Variants in CDYL observed in about 807,000 individuals in gnomAD.
CDYL encodes chromodomain Y-like protein.
In CDYL, 8 loss-of-function variants were observed where a neutral mutation model predicts 47.3. The ratio of observed to expected loss-of-function variants is 0.17; its 90% CI spans 0.10 to 0.31. The LOEUF (loss-of-function observed/expected upper bound fraction) is 0.31. CDYL is among the 10% of genes least tolerant of loss of function. The pLI is 1.00. For synonymous variants in CDYL, 266 were observed against 265.0 expected, an observed-to-expected ratio of 1.00 and a Z score of -0.04; for missense variants, 471 against 701.4, an observed-to-expected ratio of 0.67 and a Z score of 3.71.
At chr6:4,750,097 G>A (rs1483673623) in intron 3 of CDYL, among the ~76,000 whole-genome samples, 1 of 152,122 alleles carries the variant, frequency 6.6e-6, no homozygotes, top group Non-Finnish European at 1.5e-5. Flanking sequence ...TCAGCACTTT[G>A]GGAGGCTGAG....
intron 1 of CDYL, among the ~76,000 whole-genome samples, chr6:4,862,975 G>T (rs1761215750): frequency 6.6e-6 from 1 of 152,124 alleles, no homozygotes; most frequent in African/African-American, 2.4e-5. Flanking sequence ...CAGTGTACTG[G>T]ATAAAGAAAA....
chr6:4,801,816 A>G (rs755402422), intron 1 of CDYL, among the ~76,000 whole-genome samples: 1 of 152,174 alleles, frequency 6.6e-6, no homozygotes, highest in Admixed American at 6.5e-5. Flanking sequence ...GGGAAAGAGC[A>G]TCATATTCAC....
At chr6:4,867,022 G>T (rs1477744285) in intron 1 of CDYL, among the ~76,000 whole-genome samples, 2 of 152,024 alleles carry the variant, frequency 1.3e-5, no homozygotes, top group Non-Finnish European at 2.9e-5. Context: ...AAATAATTGT[G>T]AACCCATCAT....
intron 1 of CDYL, among the ~76,000 whole-genome samples, chr6:4,782,207 A>G (rs1488068531): frequency 6.6e-6 from 1 of 152,144 alleles, no homozygotes; most frequent in Non-Finnish European, 1.5e-5. Context: ...GTAGTTAGCT[A>G]AGGGCGTTGT....
chr6:4,786,048 A>G (rs1758746672), intron 1 of CDYL, among the ~76,000 whole-genome samples: 1 of 152,230 alleles, frequency 6.6e-6, no homozygotes, highest in African/African-American at 2.4e-5. Flanking sequence ...GTAAGCGAAA[A>G]AATTAAGTCT....
intron 1 of CDYL, among the ~76,000 whole-genome samples, chr6:4,880,194 C>T (rs1489571422): frequency 6.6e-6 from 1 of 152,152 alleles, no homozygotes; most frequent in Non-Finnish European, 1.5e-5. Flanking sequence ...TATGTTTCCT[C>T]CTACCCTCTC....
intron 1 of CDYL, among the ~76,000 whole-genome samples, chr6:4,713,247 C>T (rs1005894210): frequency 3.9e-5 from 6 of 152,178 alleles, no homozygotes; most frequent in East Asian, 3.9e-4. Flanking sequence ...CCCTGGATCT[C>T]GTGCTTCTCT....
intron 1 of CDYL, among the ~76,000 whole-genome samples, chr6:4,794,062 A>T (rs113599495): frequency 2.0e-5 from 3 of 152,004 alleles, no homozygotes; most frequent in Admixed American, 1.3e-4. Context: ...GAATTTTAGG[A>T]GTTATCCATG....
rs1394322612 is a variant in CDYL, at chr6:4,895,181, A to G, written c.691+2802A>G. On this transcript the variant is annotated intron_variant, in intron 2 of 6. Transcript: ENST00000397588. ...TACATGTACATATGTGTATGTATATATGTGTATATATGTATACATGAGTAT... is the reference window on the plus strand; with the variant it reads ...TACATGTACATATGTGTATGTATATGTGTGTATATATGTATACATGAGTAT... Among the ~76,000 whole-genome samples the G allele has an allele frequency of 3.5e-4, 47 of 132,592 alleles. 1 individual carries two copies. The highest frequency in any genetic ancestry group is 1.4e-3 in the African/African-American group (46 of 33,028). 87.0% of individuals were successfully genotyped at this position (132,592 alleles called of 152,430 possible). A position where few individuals can be genotyped will look rare whatever the true frequency, so the allele number is the denominator to read the frequency against.
At chr6:4,942,464 A>G (rs1314835876) in intron 4 of CDYL, among the ~76,000 whole-genome samples, 2 of 152,142 alleles carry the variant, frequency 1.3e-5, no homozygotes, top group Non-Finnish European at 2.9e-5. Flanking sequence ...GAGCATCTAG[A>G]TTGTTATTTT....
At chr6:4,936,248 G>T (rs531802984) in intron 3 of CDYL, among the ~76,000 whole-genome samples, 2 of 152,304 alleles carry the variant, frequency 1.3e-5, no homozygotes, top group South Asian at 4.1e-4. Context: ...CTCCTCAGCG[G>T]TTGTAGCAGA....
chr6:4,751,503 T>C (rs1427574657), intron 3 of CDYL, among the ~76,000 whole-genome samples: 10 of 152,272 alleles, frequency 6.6e-5, no homozygotes, highest in Admixed American at 6.5e-4. Flanking sequence ...TTGTAAAATG[T>C]ATTGACAGTA....
chr6:4,928,017 T>TCTAGCTCATCATTTTCCC (rs1757928617), intron 2 of CDYL, among the ~76,000 whole-genome samples: 2 of 152,358 alleles, frequency 1.3e-5, no homozygotes, highest in Non-Finnish European at 2.9e-5. Context: ...ATCATTTTCC[T>TCTAGCTCATCATTTTCCC]CTAGCTCATC....
chr6:4,943,718 TC>T lies in CDYL; in HGVS notation c.1295del (p.Ser432LeufsTer8), dbSNP rs1473662078. ...TTFGQSPDGC[S>X]TVMFPKIMGG... ...CTTCGGACAGAGTCCAGATGGCTGTTCTACCGTTATGTTTCCCAAGATAATG... is the reference window on the plus strand; with the variant it reads ...CTTCGGACAGAGTCCAGATGGCTGTTTACCGTTATGTTTCCCAAGATAATG... On this transcript the variant is annotated frameshift_variant, in exon 5 of 7. Transcript: ENST00000397588. LOFTEE classifies it high-confidence loss of function. 1 of 1,611,388 alleles carries T rather than the reference TC, an allele frequency of 6.2e-7. No homozygotes were observed. Among genetic ancestry groups the T allele is most frequent in the Non-Finnish European group, 8.5e-7 (1 of 1,179,246 alleles).
chr6:4,830,428 A>C (rs1760103034), intron 1 of CDYL, among the ~76,000 whole-genome samples: 1 of 152,148 alleles, frequency 6.6e-6, no homozygotes, highest in Non-Finnish European at 1.5e-5. Context: ...ATTCTAGATC[A>C]GGCTACCCCA....
intron 5 of CDYL, among the ~76,000 whole-genome samples, chr6:4,952,026 G>A (rs1758719331): frequency 6.6e-6 from 1 of 152,084 alleles, no homozygotes; most frequent in African/African-American, 2.4e-5. Context: ...TGTAAAATAA[G>A]ACACTTTTTG....
At chr6:4,857,663 T>C (rs1471886181) in intron 1 of CDYL, among the ~76,000 whole-genome samples, 2 of 152,200 alleles carry the variant, frequency 1.3e-5, no homozygotes, top group Non-Finnish European at 2.9e-5. Flanking sequence ...GCATGACCTG[T>C]GCTCACAGTA....
intron 5 of CDYL, among the ~76,000 whole-genome samples, chr6:4,947,679 G>T (rs1406326969): frequency 6.6e-6 from 1 of 152,102 alleles, no homozygotes; most frequent in Non-Finnish European, 1.5e-5. Context: ...CACTCCCCTC[G>T]TCACAAGGTG....
At chr6:4,780,294 A>G (rs531162814) in intron 1 of CDYL, among the ~76,000 whole-genome samples, 46 of 138,910 alleles carry the variant, frequency 3.3e-4, no homozygotes, top group African/African-American at 1.2e-3. Context: ...CAGTGGCTTC[A>G]TGTTGTCAGC....
Sources: allele counts gnomAD v4.1 joint callset (sites outside exome capture counted in the v4.1 genomes callset), GRCh38; gene constraint gnomAD v4.1.1; transcripts MANE v1.5; gene names NCBI Gene and HGNC (gene_info 2026-07-23, HGNC 2026-07-21).